EYA1: variants seen among roughly 807,000 people sequenced by gnomAD.
EYA1 encodes protein phosphatase EYA1.
Under a neutral mutation model 82.0 loss-of-function variants are expected in EYA1, and 16 were observed. The observed-to-expected ratio is 0.20, with a 90% CI of 0.13 to 0.30. The LOEUF (loss-of-function observed/expected upper bound fraction) is 0.30, where lower values mean the gene tolerates loss of function less well. Among genes scored for constraint, EYA1 ranks in the 10% least tolerant of loss-of-function variants. EYA1 has a pLI of 1.00. For missense variants in EYA1, 633 were observed against 730.7 expected (o/e 0.87, Z 1.54); for synonymous variants, 261 against 264.4 (o/e 0.99, Z 0.12).
At chr8:71,233,335 C>A (rs562601027) in intron 12 of EYA1, among the ~76,000 whole-genome samples, 2 of 152,060 alleles carry the variant, frequency 1.3e-5, no homozygotes, top group Non-Finnish European at 1.5e-5. Flanking sequence ...GAGGCCAAGG[C>A]GGGCAGATCA....
At chr8:71,418,924 T>G (rs564519876) in intron 2 of EYA1, among the ~76,000 whole-genome samples, 1 of 152,126 alleles carries the variant, frequency 6.6e-6, no homozygotes, top group African/African-American at 2.4e-5. Context: ...CAGAGATATC[T>G]GGGGGAGAGC....
intron 2 of EYA1, among the ~76,000 whole-genome samples, chr8:71,452,659 G>T (rs4472551): frequency 0.077 from 11,787 of 152,230 alleles, 578 homozygotes; most frequent in East Asian, 0.21. Flanking sequence ...AGGCAAACAG[G>T]GTCTGGAGTG....
intron 3 of EYA1, among the ~76,000 whole-genome samples, chr8:71,352,426 A>G (rs1826402425): frequency 6.6e-6 from 1 of 152,212 alleles, no homozygotes; most frequent in Non-Finnish European, 1.5e-5. Context: ...TTTCAAACTG[A>G]GTACTAAAAT....
intron 11 of EYA1, among the ~76,000 whole-genome samples, chr8:71,251,203 T>G (rs1367043425): frequency 6.6e-6 from 1 of 152,258 alleles, no homozygotes; most frequent in Non-Finnish European, 1.5e-5. Context: ...GTAAAATATG[T>G]TCTTATGTGC....
chr8:71,398,720 C>G (rs1204036366), intron 2 of EYA1, among the ~76,000 whole-genome samples: 2 of 152,216 alleles, frequency 1.3e-5, no homozygotes, highest in African/African-American at 4.8e-5. Flanking sequence ...GGAGGTGTCT[C>G]CCATTTAGGC....
At chr8:71,489,566 C>T (rs1336456104) in intron 2 of EYA1, among the ~76,000 whole-genome samples, 1 of 152,170 alleles carries the variant, frequency 6.6e-6, no homozygotes, top group Non-Finnish European at 1.5e-5. Context: ...CAACTTGGGC[C>T]TGGCCCATGT....
At chr8:71,396,547 A>G (rs1433784118) in intron 2 of EYA1, among the ~76,000 whole-genome samples, 2 of 152,178 alleles carry the variant, frequency 1.3e-5, no homozygotes, top group African/African-American at 2.4e-5. Context: ...ATTTCGTTAT[A>G]TAGCCAGTAG....
chr8:71,338,834 C>T (rs1167605131), intron 3 of EYA1, among the ~76,000 whole-genome samples: 1 of 152,164 alleles, frequency 6.6e-6, no homozygotes, highest in East Asian at 1.9e-4. Flanking sequence ...AGCTGCAGGC[C>T]CTCCCCAGCA....
intron 12 of EYA1, among the ~76,000 whole-genome samples, chr8:71,221,628 A>G (rs1017871733): frequency 4.6e-5 from 7 of 152,232 alleles, no homozygotes; most frequent in African/African-American, 1.4e-4. Context: ...CCGGGGCAGG[A>G]GAGGGCTCTT....
At chr8:71,409,070 C>T (rs1430500895) in intron 2 of EYA1, among the ~76,000 whole-genome samples, 1 of 112,684 alleles carries the variant, frequency 8.9e-6, no homozygotes, top group Non-Finnish European at 1.8e-5. Context: ...TTAAGAATCT[C>T]ACTCAAAGCC....
chr8:71,485,390 T>C (rs1222774925), intron 2 of EYA1, among the ~76,000 whole-genome samples: 1 of 152,156 alleles, frequency 6.6e-6, no homozygotes, highest in Non-Finnish European at 1.5e-5. Flanking sequence ...GTGTTCCTTC[T>C]CAAAGTTAGG....
chr8:71,411,624 A>C (rs1260382203), intron 2 of EYA1, among the ~76,000 whole-genome samples: 2 of 151,868 alleles, frequency 1.3e-5, no homozygotes, highest in Non-Finnish European at 2.9e-5. Context: ...AAATACATGA[A>C]AAAATGCTCA....
At chr8:71,229,358 C>T (rs937108978) in intron 12 of EYA1, among the ~76,000 whole-genome samples, 2 of 152,144 alleles carry the variant, frequency 1.3e-5, no homozygotes, top group East Asian at 1.9e-4. Flanking sequence ...GTGTATTTCA[C>T]GTTCTTTCCA....
intron 2 of EYA1, among the ~76,000 whole-genome samples, chr8:71,416,589 G>A (rs1830864079): frequency 6.6e-6 from 1 of 152,088 alleles, no homozygotes; most frequent in Non-Finnish European, 1.5e-5. Context: ...TAGGTTAAAG[G>A]CCCTGCTCTG....
chr8:71,523,011 T>A (rs1433007241), intron 2 of EYA1, among the ~76,000 whole-genome samples: 1 of 152,172 alleles, frequency 6.6e-6, no homozygotes, highest in East Asian at 1.9e-4. Flanking sequence ...GTTAAAACTT[T>A]TCATTATAGG....
intron 2 of EYA1, among the ~76,000 whole-genome samples, chr8:71,451,252 T>C (rs1331754464): frequency 1.3e-5 from 2 of 152,186 alleles, no homozygotes; most frequent in Non-Finnish European, 2.9e-5. Flanking sequence ...CACATGTTCA[T>C]CATCACAGCA....
chr8:71,338,243 G>A (rs935297436), intron 3 of EYA1, among the ~76,000 whole-genome samples: 13 of 152,224 alleles, frequency 8.5e-5, no homozygotes, highest in African/African-American at 2.7e-4. Context: ...AGGTAACTTG[G>A]AAATAACTCA....
chr8:71,299,848 T>TCTAA (rs1470858458), intron 7 of EYA1, 128 bp from the exon 8 acceptor site: 9 of 679,334 alleles, frequency 1.3e-5, no homozygotes, highest in Non-Finnish European at 2.4e-5. Context: ...TGTTGTCATG[T>TCTAA]CTAAAATGTA....
At chr8:71,423,961 T>C (rs1168339389) in intron 2 of EYA1, among the ~76,000 whole-genome samples, 1 of 152,234 alleles carries the variant, frequency 6.6e-6, no homozygotes, top group African/African-American at 2.4e-5. Flanking sequence ...TTGTTAATGC[T>C]TCTATTTATT....
Sources: gnomAD v4.1 joint callset for allele counts (sites outside exome capture counted in the v4.1 genomes callset) on GRCh38, gnomAD v4.1.1 for gene constraint, MANE v1.5 for transcripts, NCBI Gene and HGNC (gene_info 2026-07-23, HGNC 2026-07-21) for gene names.